Variants in PARD3 observed in about 807,000 individuals in gnomAD.
PARD3 encodes the protein partitioning defective 3 homolog.
A neutral mutation model predicts 155.4 loss-of-function variants in PARD3; 75 were observed. The observed-to-expected ratio is 0.48, with a 90% confidence interval of 0.40 to 0.58. PARD3 has a LOEUF of 0.58. Among genes scored for constraint, PARD3 ranks in the 20% least tolerant of loss-of-function variants. The probability of loss-of-function intolerance (pLI) is 0.00; values close to 1 mark genes in which losing one functional copy is unlikely to be tolerated. For synonymous variants in PARD3, 576 were observed against 610.5 expected, an observed-to-expected ratio of 0.94 and a Z score of 0.83; for missense variants, 1,642 against 1,721.7, an observed-to-expected ratio of 0.95 and a Z score of 0.82.
At chr10:34,814,137 C>G (rs1844576283) in intron 1 of PARD3, among the ~76,000 whole-genome samples, 1 of 152,164 alleles carries the variant, frequency 6.6e-6, no homozygotes, top group Admixed American at 6.5e-5. Flanking sequence ...TTTCATTCCG[C>G]GACTCTTCCA....
At chr10:34,420,947 C>A (rs2253179) in intron 5 of PARD3, among the ~76,000 whole-genome samples, 1 of 152,128 alleles carries the variant, frequency 6.6e-6, no homozygotes, top group Non-Finnish European at 1.5e-5. Context: ...AGGCCAAGGT[C>A]GGGGGGATTG....
At chr10:34,451,971 A>G (rs1224850055) in intron 4 of PARD3, among the ~76,000 whole-genome samples, 1 of 151,922 alleles carries the variant, frequency 6.6e-6, no homozygotes, top group Non-Finnish European at 1.5e-5. Context: ...TATTCTGATA[A>G]GACTTTCTTA....
intron 22 of PARD3, among the ~76,000 whole-genome samples, chr10:34,166,244 T>C (rs1949521619): frequency 6.6e-6 from 1 of 152,156 alleles, no homozygotes; most frequent in Non-Finnish European, 1.5e-5. Flanking sequence ...TGGATGTTAA[T>C]TCTTTCTCTG....
At chr10:34,221,392 T>TTC (rs1952281635) in intron 22 of PARD3, among the ~76,000 whole-genome samples, 1 of 151,270 alleles carries the variant, frequency 6.6e-6, no homozygotes, top group Non-Finnish European at 1.5e-5. Context: ...ACTTGCCTTT[T>TTC]TTTTTTTTTT....
intron 2 of PARD3, among the ~76,000 whole-genome samples, chr10:34,631,414 G>A (rs1300992940): frequency 1.3e-5 from 2 of 152,140 alleles, no homozygotes; most frequent in African/African-American, 4.8e-5. Flanking sequence ...TTACCCTTAG[G>A]AGGGGGCAGT....
intron 1 of PARD3, among the ~76,000 whole-genome samples, chr10:34,790,975 C>T (rs1358709204): frequency 6.6e-6 from 1 of 152,186 alleles, no homozygotes; most frequent in Non-Finnish European, 1.5e-5. Flanking sequence ...CATGGGCTCA[C>T]ACACAGACAC....
chr10:34,365,733 G>A (rs549515473), intron 12 of PARD3, among the ~76,000 whole-genome samples: 1 of 152,208 alleles, frequency 6.6e-6, no homozygotes, highest in South Asian at 2.1e-4. Flanking sequence ...GACTAAAGGC[G>A]TGAGCCACTA....
At chr10:34,708,919 T>C (rs1455065506) in intron 1 of PARD3, among the ~76,000 whole-genome samples, 1 of 152,168 alleles carries the variant, frequency 6.6e-6, no homozygotes, top group East Asian at 1.9e-4. Flanking sequence ...ATAATAGCTT[T>C]GTGGATATTT....
intron 1 of PARD3, among the ~76,000 whole-genome samples, chr10:34,762,974 G>T (rs77982406): frequency 0.015 from 2,308 of 152,292 alleles, 63 homozygotes; most frequent in African/African-American, 0.051. Context: ...CATACACTGA[G>T]AATTTTCATG....
chr10:34,168,989 A>G (rs1019602380), intron 22 of PARD3, among the ~76,000 whole-genome samples: 1 of 152,238 alleles, frequency 6.6e-6, no homozygotes, highest in Non-Finnish European at 1.5e-5. Context: ...TCTCAAATGT[A>G]GAGTACAGAA....
At chr10:34,437,925 T>C (rs184403991) in intron 5 of PARD3, among the ~76,000 whole-genome samples, 4 of 152,320 alleles carry the variant, frequency 2.6e-5, no homozygotes, top group African/African-American at 4.8e-5. Flanking sequence ...TTAGAGCTAA[T>C]AGAGTTGACA....
At chr10:34,220,106 A>G (rs1045202613) in intron 22 of PARD3, among the ~76,000 whole-genome samples, 1 of 152,202 alleles carries the variant, frequency 6.6e-6, no homozygotes, top group African/African-American at 2.4e-5. Context: ...TTGAAACTGA[A>G]TTATTAACGC....
chr10:34,716,591 T>TTC (rs2094524432), intron 1 of PARD3, among the ~76,000 whole-genome samples: 2 of 139,392 alleles, frequency 1.4e-5, no homozygotes, highest in Admixed American at 7.2e-5. Context: ...TTTTCTTTTT[T>TTC]TTTTTTTTTT....
intron 22 of PARD3, among the ~76,000 whole-genome samples, chr10:34,251,075 T>A (rs2133736750): frequency 6.6e-6 from 1 of 152,294 alleles, no homozygotes; most frequent in African/African-American, 2.4e-5. Flanking sequence ...TATACCAAAT[T>A]ACTAAAGATT....
At chr10:34,769,472 ATT>A (rs143774884) in intron 1 of PARD3, among the ~76,000 whole-genome samples, 1 of 150,294 alleles carries the variant, frequency 6.7e-6, no homozygotes, top group Admixed American at 6.6e-5. Context: ...CATTACTGTA[ATT>A]TTTTTTTTCT....
chr10:34,581,234 C>CTTTTCT (rs1395063490), intron 2 of PARD3, among the ~76,000 whole-genome samples: 6 of 101,246 alleles, frequency 5.9e-5, no homozygotes, highest in Admixed American at 2.3e-4. Flanking sequence ...TTTTTCTTTT[C>CTTTTCT]TTTTTTTTTT....
intron 2 of PARD3, among the ~76,000 whole-genome samples, chr10:34,686,437 A>C (rs1456708511): frequency 3.9e-5 from 1 of 25,928 alleles, no homozygotes; most frequent in African/African-American, 7.6e-5. Flanking sequence ...GAACTCCCTT[A>C]AAAAAAAAAA....
Position 34,470,121 on chromosome 10 carries a change from C to T in PARD3, c.546G>A (p.Gln182=), listed in dbSNP as rs2078258652. ...AGGTTTTAGGACTCCCAGCAGTGTT[C>T]TGCTTGAGGAAGCCAGCTGTTGTTG... ...RWSTTAGFLK[Q]NTAGSPKTCD... Residue 182 remains glutamine, a synonymous_variant, in exon 4 of 25, where the codon CAG becomes CAA. Transcript: ENST00000374788. 6.2e-7 allele frequency: 1 copy of T among 1,612,712 alleles called. No homozygotes were observed. Among genetic ancestry groups the T allele is most frequent in the African/African-American group, 1.3e-5 (1 of 74,954 alleles).
intron 12 of PARD3, among the ~76,000 whole-genome samples, chr10:34,365,325 A>G (rs990676548): frequency 2.6e-5 from 4 of 152,236 alleles, no homozygotes; most frequent in African/African-American, 4.8e-5. Flanking sequence ...TAGCAAAATA[A>G]TATGTAAGAC....
Sources: allele counts gnomAD v4.1 joint callset (sites outside exome capture counted in the v4.1 genomes callset), GRCh38; gene constraint gnomAD v4.1.1; transcripts MANE v1.5; gene names NCBI Gene and HGNC (gene_info 2026-07-23, HGNC 2026-07-21).